POM121C: variants seen among roughly 807,000 people sequenced by gnomAD.
POM121C encodes nuclear envelope pore membrane protein POM 121C.
POM121C carries 20 observed loss-of-function variants against 66.4 expected under a neutral mutation model. The ratio of observed to expected loss-of-function variants is 0.30; its 90% CI spans 0.21 to 0.44. The LOEUF is 0.44. Ranked by LOEUF, POM121C falls within the 20% of genes least tolerant of loss-of-function variation. The pLI, the probability that POM121C is intolerant of heterozygous loss-of-function variation, is 1.00. For synonymous variants in POM121C, 286 were observed against 528.0 expected (o/e 0.54, Z 6.28); for missense variants, 580 against 1,225.7 (o/e 0.47, Z 7.87).
intron 7 of POM121C, among the ~76,000 whole-genome samples, chr7:75,428,429 C>A (rs1413246068): frequency 1.3e-5 from 2 of 152,156 alleles, no homozygotes; most frequent in Non-Finnish European, 2.9e-5. Flanking sequence ...TGAGCCACCA[C>A]GCTTAGCCAC....
chr7:75,469,858 A>G (rs587657743), intron 3 of POM121C, among the ~76,000 whole-genome samples: 1 of 152,298 alleles, frequency 6.6e-6, no homozygotes, highest in South Asian at 2.1e-4. Context: ...GTATCTTATC[A>G]GTGAGTCCTT....
intron 10 of POM121C, 195 bp downstream of exon 10, chr7:75,424,879 G>A: frequency 8.0e-7 from 1 of 1,249,538 alleles, no homozygotes; most frequent in South Asian, 1.6e-5. Context: ...AGAATTGCTT[G>A]AACTCAGGAG....
intron 1 of POM121C, among the ~76,000 whole-genome samples, chr7:75,483,730 C>A (rs2116561272): frequency 6.6e-6 from 1 of 152,138 alleles, no homozygotes; most frequent in South Asian, 2.1e-4. Context: ...ACAAGCTTCA[C>A]AAATCATTTT....
At chr7:75,425,468 T>G in intron 9 of POM121C, 167 bp downstream of exon 9, 1 of 1,344,648 alleles carries the variant, frequency 7.4e-7, no homozygotes, top group Non-Finnish European at 1.0e-6. Context: ...CCTTTCTCCC[T>G]CATCAGACTA....
chr7:75,455,852 G>A (rs1231071591), intron 3 of POM121C, among the ~76,000 whole-genome samples: 5 of 152,148 alleles, frequency 3.3e-5, no homozygotes, highest in African/African-American at 1.2e-4. Flanking sequence ...GAAGACATGG[G>A]CTGTATCTCG....
intron 7 of POM121C, among the ~76,000 whole-genome samples, chr7:75,429,643 A>G (rs1189944612): frequency 1.1e-4 from 16 of 150,122 alleles, no homozygotes; most frequent in South Asian, 2.1e-4. Flanking sequence ...AAAACAAAAC[A>G]AAAACCAGAT....
At chr7:75,421,130 T>C (rs112275866) in intron 13 of POM121C, 17 of 348,404 alleles carry the variant, frequency 4.9e-5, no homozygotes, top group African/African-American at 1.1e-4. Flanking sequence ...GGTACCACCA[T>C]GCCCGGCTAA....
chr7:75,418,464 G>C lies in POM121C; in HGVS notation c.*332C>G, dbSNP rs1234765658. On this transcript the variant is annotated 3_prime_UTR_variant, in exon 15 of 15. Coordinates refer to ENST00000615331, the MANE Select transcript of POM121C (RefSeq NM_001099415.3). ...CCAGCGACGACGGCTCTCGGGGAAA[G>C]GTGGAAGGGGCGCCTGCCTAAGGGT... 2.8e-6 allele frequency: 3 copies of C among 1,067,296 alleles called. No homozygotes were observed. The highest frequency in any genetic ancestry group is 3.4e-6 in the Non-Finnish European group (3 of 883,292). The allele number at this position is 1,067,296 out of a possible 1,614,324, so 66.1% of individuals were successfully genotyped here.
At chr7:75,463,897 G>A (rs587744398) in intron 3 of POM121C, among the ~76,000 whole-genome samples, 4 of 151,432 alleles carry the variant, frequency 2.6e-5, no homozygotes, top group African/African-American at 4.9e-5. Context: ...TCACCATGTT[G>A]GCCAGACTGG....
At chr7:75,467,270 G>A (rs1235994097) in intron 3 of POM121C, among the ~76,000 whole-genome samples, 3 of 152,146 alleles carry the variant, frequency 2.0e-5, no homozygotes, top group Non-Finnish European at 2.9e-5. Flanking sequence ...GGTGGCTCAC[G>A]CCTGTAATCC....
intron 1 of POM121C, among the ~76,000 whole-genome samples, chr7:75,481,030 A>AAATAT (rs1363095854): frequency 7.3e-6 from 1 of 137,026 alleles, no homozygotes; most frequent in Admixed American, 7.3e-5. Context: ...TAGTTCAAAA[A>AAATAT]ATATATATAT....
intron 3 of POM121C, chr7:75,442,797 A>G (rs1248938440): frequency 4.8e-6 from 6 of 1,257,178 alleles, no homozygotes; most frequent in African/African-American, 4.7e-5. Flanking sequence ...CGCGCCCGCC[A>G]CGTCATGCGC....
chr7:75,448,056 AC>A (rs1243993241), intron 3 of POM121C, among the ~76,000 whole-genome samples: 1 of 151,284 alleles, frequency 6.6e-6, no homozygotes, highest in Non-Finnish European at 1.5e-5. Context: ...AAACAAACAA[AC>A]AAAACACAAA....
chr7:75,484,502 T>TA (rs1275340101), intron 1 of POM121C, among the ~76,000 whole-genome samples: 1 of 151,780 alleles, frequency 6.6e-6, no homozygotes, highest in Non-Finnish European at 1.5e-5. Flanking sequence ...CGTCTCTACT[T>TA]AAAAATAACA....
At chr7:75,433,102 G>T (rs1159143375) in intron 7 of POM121C, among the ~76,000 whole-genome samples, 1 of 151,534 alleles carries the variant, frequency 6.6e-6, no homozygotes, top group Non-Finnish European at 1.5e-5. Context: ...GGGCGTGGTG[G>T]CCAGAGCCTG....
chr7:75,477,147 G>A (rs1554479514), intron 1 of POM121C, among the ~76,000 whole-genome samples: 1 of 95,780 alleles, frequency 1.0e-5, no homozygotes. Context: ...TTATGCCTCA[G>A]TCTTCTCGGT....
intron 12 of POM121C, among the ~76,000 whole-genome samples, chr7:75,423,583 G>A (rs1554471248): frequency 6.6e-6 from 1 of 151,260 alleles, no homozygotes. Context: ...TGAGCAGGGA[G>A]GGTGCGTACG....
At chr7:75,455,700 C>G (rs1305488321) in intron 3 of POM121C, among the ~76,000 whole-genome samples, 2 of 151,934 alleles carry the variant, frequency 1.3e-5, no homozygotes, top group Non-Finnish European at 2.9e-5. Context: ...GGTCCCCGCT[C>G]GCCCGTGTCT....
chr7:75,462,944 T>C (rs1554477247), intron 3 of POM121C, among the ~76,000 whole-genome samples: 3 of 152,060 alleles, frequency 2.0e-5, no homozygotes, highest in Non-Finnish European at 2.9e-5. Context: ...ATTCTCAGAA[T>C]AGACCTGAGA....
Sources: allele counts gnomAD v4.1 joint callset (sites outside exome capture counted in the v4.1 genomes callset), GRCh38; gene constraint gnomAD v4.1.1; transcripts MANE v1.5; gene names NCBI Gene and HGNC (gene_info 2026-07-23, HGNC 2026-07-21).